THOP1: variants seen among roughly 807,000 people sequenced by gnomAD.
THOP1 encodes thimet oligopeptidase 1.
Under a neutral mutation model 71.8 loss-of-function variants are expected in THOP1, and 49 were observed. The observed-to-expected ratio is 0.68, with a 90% CI of 0.54 to 0.87. The LOEUF (loss-of-function observed/expected upper bound fraction) is 0.87. Among genes scored for constraint, THOP1 ranks in the 40% least tolerant of loss-of-function variants. THOP1 has a pLI of 0.00. For missense variants in THOP1, 843 were observed against 975.6 expected (o/e 0.86, Z 1.81); for synonymous variants, 426 against 421.5 (o/e 1.01, Z -0.13).
chr19:2,797,793 G>A (rs1916054525), intron 4 of THOP1, among the ~76,000 whole-genome samples: 1 of 152,202 alleles, frequency 6.6e-6, no homozygotes, highest in East Asian at 1.9e-4. Flanking sequence ...GTCCCAGGCT[G>A]CAGCCATAGC....
chr19:2,791,814 G>C (rs541663067), intron 2 of THOP1, among the ~76,000 whole-genome samples: 1 of 152,194 alleles, frequency 6.6e-6, no homozygotes, highest in Admixed American at 6.5e-5. Flanking sequence ...AACTGAATTC[G>C]GCCCCAGTGC....
intron 1 of THOP1, 25 bp downstream of exon 1, chr19:2,785,703 C>T (rs765646030): frequency 2.1e-6 from 3 of 1,431,880 alleles, no homozygotes; most frequent in Admixed American, 5.2e-5. Context: ...GCTCGCCGGA[C>T]CCGGGCGTCC....
rs1371337265 is a variant in THOP1, at chr19:2,799,801, G to A, written c.589+10G>A. The A allele has an allele frequency of 6.2e-7, 1 of 1,611,016 alleles. No individual in the cohort carries two copies. On this transcript the variant is annotated intron_variant, in intron 5 of 12. Transcript: ENST00000307741. The stretch of plus-strand genomic sequence containing the variant: ...ACGCTCCAGGAGCTAGGTAGGGGCC[G>A]AGCAGTGGGGCACGGGTGGCCATCG...
intron 4 of THOP1, among the ~76,000 whole-genome samples, chr19:2,796,691 G>C (rs1465135138): frequency 1.3e-5 from 2 of 151,946 alleles, no homozygotes; most frequent in African/African-American, 2.4e-5. Flanking sequence ...GGAGTGCTGG[G>C]CGTGGCCAGT....
Position 2,804,981 on chromosome 19 carries a change from G to C in THOP1, c.590-35G>C. ...CTGTGTGCAGGCTGTGGGCCCATCA[G>C]TCCTGTCAAAGCCACCCTGGTTCTG... On this transcript the variant is annotated intron_variant, in intron 5 of 12. Coordinates refer to ENST00000307741, the MANE Select transcript of THOP1 (RefSeq NM_003249.5). The surrounding 1 kb of genome is among the most constrained non-coding windows in gnomAD (Gnocchi z 4.7). 4 of 1,596,184 alleles carry C rather than the reference G, an allele frequency of 2.5e-6. No individual in the cohort carries two copies. Among genetic ancestry groups the C allele is most frequent in the Non-Finnish European group, 1.7e-6 (2 of 1,171,200 alleles).
At position 2,805,098 on chromosome 19, in the gene THOP1, C is replaced by T; in HGVS notation, c.672C>T (p.Tyr224=). The stretch of plus-strand genomic sequence containing the variant: ...AGGTCACCCTCAAGTACCCCCATTA[C>T]TTCCCCCTCCTGAAGAAATGCCACG... ...KLKVTLKYPH[Y]FPLLKKCHVP... Residue 224 remains tyrosine, a synonymous_variant, in exon 6 of 13, where the codon TAC becomes TAT. Transcript: ENST00000307741. The surrounding 1 kb of genome is among the most constrained non-coding windows in gnomAD (Gnocchi z 6.6). 1 of 1,612,948 alleles carries T rather than the reference C, an allele frequency of 6.2e-7. No homozygotes were observed.
rs199828358 is a variant in THOP1, at chr19:2,810,807, G to A, written c.1771+39G>A. On this transcript the variant is annotated intron_variant, in intron 11 of 12. Coordinates refer to ENST00000307741, the MANE Select transcript of THOP1 (RefSeq NM_003249.5). ...AGCCGGGCACACCCTGGAATTTGGA[G>A]CCTCAGCTGCTTCCCTGGGAAGGTG... 3.2e-6 allele frequency: 5 copies of A among 1,581,564 alleles called. No homozygotes were observed. In the African/African-American group the frequency reaches 4.0e-5, roughly 13 times the overall value.
rs1047072147 is a variant in THOP1 at position 2,813,215 on chromosome 19, C to G, written c.2009C>G (p.Ala670Gly). ...CTGGGCCGTGACCCCAAGCAGGACGCCTTCCTCCTGAGCAAGGGGCTGCAG... is the reference window on the plus strand; with the variant it reads ...CTGGGCCGTGACCCCAAGCAGGACGGCTTCCTCCTGAGCAAGGGGCTGCAG... ...RFLGRDPKQD[A>G]FLLSKGLQVG... The change falls in exon 13 of 13, where the codon GCC (alanine) becomes GGC (glycine). Residue 670 changes from alanine (A) to glycine (G), a missense_variant. Coordinates refer to ENST00000307741, the MANE Select transcript of THOP1 (RefSeq NM_003249.5). 6 of 1,612,446 alleles carry G rather than the reference C, an allele frequency of 3.7e-6. No homozygotes were observed. Among genetic ancestry groups the G allele is most frequent in the Non-Finnish European group, 5.1e-6 (6 of 1,179,780 alleles).
intron 1 of THOP1, among the ~76,000 whole-genome samples, chr19:2,789,455 C>T (rs1174864427): frequency 1.3e-5 from 2 of 152,186 alleles, no homozygotes; most frequent in Non-Finnish European, 2.9e-5. Context: ...TGTGAGTGGC[C>T]GGGCCACATA....
Position 2,812,464 on chromosome 19 carries a change from C to T in THOP1, c.1909-651C>T, listed in dbSNP as rs182534621. On this transcript the variant is annotated intron_variant, in intron 12 of 12. Transcript: ENST00000307741. ...GGGGAGCAATGGTCCGACAAGCCCC[C>T]TGTCTTCACAGCCCAGCAGGGACCT... 2.2e-3 allele frequency: 2,990 copies of T among 1,365,548 alleles called. 28 individuals carry two copies. The highest frequency in any genetic ancestry group is 1.4e-3 in the Non-Finnish European group (1,470 of 1,050,530). 84.6% of individuals were successfully genotyped at this position (1,365,548 alleles called of 1,614,324 possible).
intron 5 of THOP1, among the ~76,000 whole-genome samples, chr19:2,800,097 G>A (rs1024552399): frequency 1.3e-5 from 2 of 152,248 alleles, no homozygotes; most frequent in African/African-American, 4.8e-5. Context: ...GGGTGGCCAA[G>A]GGTGCCAGTC....
chr19:2,802,073 G>A (rs914525652), intron 5 of THOP1, among the ~76,000 whole-genome samples: 3 of 147,778 alleles, frequency 2.0e-5, no homozygotes, highest in Non-Finnish European at 4.5e-5. Context: ...GCCATCTCCC[G>A]ATACCCACAT....
chr19:2,808,110 TGA>T, intron 8 of THOP1, 131 bp from the exon 9 acceptor site: 1 of 1,073,436 alleles, frequency 9.3e-7, no homozygotes, highest in East Asian at 2.7e-5. Flanking sequence ...CCACCTCTGC[TGA>T]GAGGGAGGTT....
At chr19:2,797,440 T>C (rs1289907625) in intron 4 of THOP1, among the ~76,000 whole-genome samples, 1 of 152,224 alleles carries the variant, frequency 6.6e-6, no homozygotes, top group Non-Finnish European at 1.5e-5. Context: ...ATGCTGATCT[T>C]TCCGAGGCCG....
At chr19:2,812,068 T>C (rs1184824897) in intron 12 of THOP1, 1 of 1,234,658 alleles carries the variant, frequency 8.1e-7, no homozygotes, top group Non-Finnish European at 1.1e-6. Context: ...CTGTGAGTGC[T>C]GGGAGCTCCG....
intron 9 of THOP1, 77 bp downstream of exon 9, chr19:2,808,521 G>A: frequency 1.4e-6 from 2 of 1,442,252 alleles, no homozygotes; most frequent in Admixed American, 2.6e-5. Flanking sequence ...CCCAAGCCTG[G>A]GGCTTCGGCT....
intron 5 of THOP1, 142 bp downstream of exon 5, chr19:2,799,933 G>T: frequency 2.9e-6 from 2 of 694,584 alleles, no homozygotes; most frequent in South Asian, 3.7e-5. Flanking sequence ...GGACCTGACC[G>T]CCCTGGGCTG....
intron 9 of THOP1, 106 bp downstream of exon 9, chr19:2,808,550 C>G (rs959856221): frequency 4.7e-6 from 6 of 1,263,318 alleles, no homozygotes; most frequent in Non-Finnish European, 6.4e-6. Context: ...TCTCTGCACC[C>G]GTCCGGTGGC....
intron 5 of THOP1, among the ~76,000 whole-genome samples, chr19:2,802,259 CG>C (rs1916163732): frequency 6.7e-6 from 1 of 148,840 alleles, no homozygotes; most frequent in African/African-American, 2.5e-5. Context: ...CAACACCTCC[CG>C]ACACACCCAC....
Sources: allele counts gnomAD v4.1 joint callset (sites outside exome capture counted in the v4.1 genomes callset), GRCh38; gene constraint gnomAD v4.1.1; non-coding constraint Gnocchi (gnomAD v3.1); transcripts MANE v1.5; gene names NCBI Gene and HGNC (gene_info 2026-07-23, HGNC 2026-07-21).